ENAH: variants seen among roughly 807,000 people sequenced by gnomAD.
ENAH encodes ENAH actin regulator.
A neutral mutation model predicts 78.7 loss-of-function variants in ENAH; 23 were observed. The observed-to-expected ratio is 0.29, with a 90% CI of 0.21 to 0.41. The LOEUF (loss-of-function observed/expected upper bound fraction) is 0.41, where lower values mean the gene tolerates loss of function less well. ENAH is among the 10% of genes least tolerant of loss of function. The pLI is 1.00. For missense variants in ENAH, 544 were observed against 691.0 expected (o/e 0.79, Z 2.39); for synonymous variants, 226 against 241.0 (o/e 0.94, Z 0.58).
intron 3 of ENAH, among the ~76,000 whole-genome samples, chr1:225,533,885 A>G (rs2096549702): frequency 6.6e-6 from 1 of 152,132 alleles, no homozygotes; most frequent in African/African-American, 2.4e-5. Context: ...AATCGGTGTT[A>G]TTATATACAC....
At chr1:225,501,138 G>A (rs930770937) in intron 11 of ENAH, 68 bp from the exon 12 acceptor site, 3 of 1,199,204 alleles carry the variant, frequency 2.5e-6, no homozygotes, top group Non-Finnish European at 3.6e-6. Context: ...ATAAATAATT[G>A]CAAATTTACC....
In ENAH at chr1:225,574,919, A is replaced by AAAAAAAAAT. The variant is rs1177451807; in HGVS notation, c.6-7506_6-7505insATTTTTTTT. ...CCGTCTCAAAAAAAAAAAAAAAAAA[A>AAAAAAAAAT]ATATATATATATAAAAAAAAAAAAA... is the stretch of plus-strand genomic sequence containing the variant. On this transcript the variant is annotated intron_variant, in intron 1 of 13. Transcript: ENST00000366843. Among the ~76,000 whole-genome samples, 26 of 2,982 alleles carry AAAAAAAAAT rather than the reference A, an allele frequency of 8.7e-3. 1 individual carries two copies. Among genetic ancestry groups the AAAAAAAAAT allele is most frequent in the Non-Finnish European group, 0.011 (18 of 1,686 alleles). 2.0% of individuals were successfully genotyped at this position (2,982 alleles called of 152,430 possible). A position where few individuals can be genotyped will look rare whatever the true frequency, so the allele number is the denominator to read the frequency against.
rs1190945831 is a variant in ENAH, at chr1:225,593,455, AGAGTCTTTGTGAC to A, written c.6-26054_6-26042del. Among the ~76,000 whole-genome samples, 48 of 143,270 alleles carry A rather than the reference AGAGTCTTTGTGAC, an allele frequency of 3.4e-4. 1 individual carries two copies. In the East Asian group the frequency reaches 5.8e-3, roughly 17 times the overall value. The allele number at this position is 143,270 out of a possible 152,430, so 94.0% of individuals were successfully genotyped here. ...TAGTATGAGAACCCAGAAGTACCAA[AGAGTCTTTGTGAC>A]AAGAGGAAGACTGAATGTTAAGGTA... On this transcript the variant is annotated intron_variant, in intron 1 of 13. Coordinates refer to ENST00000366843, the MANE Select transcript of ENAH (RefSeq NM_018212.6).
chr1:225,494,047 C>A lies in ENAH; in HGVS notation c.*3728G>T. On this transcript the variant is annotated 3_prime_UTR_variant, in exon 14 of 14. Transcript: ENST00000366843. The stretch of plus-strand genomic sequence containing the variant: ...ACTTACATATGAAGAGAAGCAAGAA[C>A]ATGAGACAGGCTAGAGCAAAAAAAA... 1.1e-5 allele frequency: 1 copy of A among 88,248 alleles called. No homozygotes were observed. 5.5% of individuals were successfully genotyped at this position (88,248 alleles called of 1,614,324 possible).
chr1:225,547,997 AAAG>A (rs2096622886), intron 3 of ENAH, among the ~76,000 whole-genome samples: 1 of 152,176 alleles, frequency 6.6e-6, no homozygotes, highest in Non-Finnish European at 1.5e-5. Context: ...GTAAGAGGAG[AAAG>A]AAGATCTGTG....
At chr1:225,573,183 A>G (rs950485227) in intron 1 of ENAH, among the ~76,000 whole-genome samples, 7 of 152,198 alleles carry the variant, frequency 4.6e-5, no homozygotes, top group Non-Finnish European at 8.8e-5. Flanking sequence ...TTGTTAACAA[A>G]TATCAATTTC....
intron 1 of ENAH, among the ~76,000 whole-genome samples, chr1:225,640,738 G>A (rs77909054): frequency 0.014 from 2,093 of 152,000 alleles, 59 homozygotes; most frequent in African/African-American, 0.047. Context: ...AGTTAATAAA[G>A]GTTTCATACA....
chr1:225,525,001 T>C (rs2096493761), intron 4 of ENAH, among the ~76,000 whole-genome samples: 1 of 152,166 alleles, frequency 6.6e-6, no homozygotes. Context: ...ACAGTAGTAA[T>C]AAATAACTTA....
At chr1:225,544,263 AATAAAG>A (rs1198036595) in intron 3 of ENAH, among the ~76,000 whole-genome samples, 3 of 152,238 alleles carry the variant, frequency 2.0e-5, no homozygotes, top group Non-Finnish European at 4.4e-5. Flanking sequence ...AAAATTCATG[AATAAAG>A]ATAAAGTAAT....
intron 3 of ENAH, among the ~76,000 whole-genome samples, chr1:225,546,745 A>G (rs1005479903): frequency 6.6e-6 from 1 of 152,056 alleles, no homozygotes; most frequent in African/African-American, 2.4e-5. Context: ...ACTGTAATTA[A>G]CCCCCTTGAA....
At chr1:225,579,752 A>G (rs2096805853) in intron 1 of ENAH, among the ~76,000 whole-genome samples, 2 of 152,226 alleles carry the variant, frequency 1.3e-5, no homozygotes, top group Admixed American at 6.5e-5. Flanking sequence ...AATTAGAAGA[A>G]TATGTCTTTA....
chr1:225,621,280 C>CAGCCTTCATTGCAGT (rs1353133945), intron 1 of ENAH, among the ~76,000 whole-genome samples: 33 of 151,536 alleles, frequency 2.2e-4, no homozygotes, highest in African/African-American at 7.2e-4. Flanking sequence ...GGAATTACTT[C>CAGCCTTCATTGCAGT]TTTAAATCTA....
chr1:225,511,655 G>A (rs1027178721), intron 10 of ENAH, among the ~76,000 whole-genome samples, 156 bp downstream of exon 10: 2 of 152,100 alleles, frequency 1.3e-5, no homozygotes, highest in African/African-American at 4.8e-5. Flanking sequence ...GCTTCCAGGA[G>A]GAAAAAAGTG....
At position 225,493,457 on chromosome 1, in the gene ENAH, C is replaced by T. The variant is rs2096233212; in HGVS notation, c.*4318G>A. On this transcript the variant is annotated 3_prime_UTR_variant, in exon 14 of 14. Transcript: ENST00000366843. ...TAAATACCTGTATGTCAAGTTTTGA[C>T]TTTAAAAATATTAAATGGCTTTTAG... 6.6e-6 allele frequency: 1 copy of T among 152,148 alleles called. No homozygotes were observed. Among genetic ancestry groups the T allele is most frequent in the Non-Finnish European group, 1.5e-5 (1 of 68,026 alleles). The allele number at this position is 152,148 out of a possible 1,614,324, so 9.4% of individuals were successfully genotyped here.
At chr1:225,588,540 T>C (rs1444949610) in intron 1 of ENAH, among the ~76,000 whole-genome samples, 1 of 152,232 alleles carries the variant, frequency 6.6e-6, no homozygotes, top group African/African-American at 2.4e-5. Context: ...CCGGGCATAG[T>C]GGCTCACGCC....
At chr1:225,637,024 G>A (rs1335581430) in intron 1 of ENAH, among the ~76,000 whole-genome samples, 2 of 152,082 alleles carry the variant, frequency 1.3e-5, no homozygotes, top group African/African-American at 2.4e-5. Context: ...TAATGAAACC[G>A]CAACTTCACT....
rs1214790024 is a variant in ENAH, at chr1:225,488,904, AAC to A, written c.*8869_*8870del. On this transcript the variant is annotated 3_prime_UTR_variant, in exon 14 of 14. Transcript: ENST00000366843. ...CTGGTCTGCCAAGACATTGCTGTTA[AAC>A]AGAGTCTTTTGGATTAAAACCAGGG... 6.6e-6 allele frequency: 1 copy of A among 152,274 alleles called. No individual in the cohort carries two copies. Among genetic ancestry groups the A allele is most frequent in the African/African-American group, 2.4e-5 (1 of 41,460 alleles). 9.4% of individuals were successfully genotyped at this position (152,274 alleles called of 1,614,324 possible). A position where few individuals can be genotyped will look rare whatever the true frequency, so the allele number is the denominator to read the frequency against.
chr1:225,603,615 A>G (rs2096940985), intron 1 of ENAH, among the ~76,000 whole-genome samples: 1 of 152,184 alleles, frequency 6.6e-6, no homozygotes, highest in African/African-American at 2.4e-5. Context: ...CACAGCCTCA[A>G]AATGTACAGA....
chr1:225,505,615 AG>A (rs1416944340), intron 11 of ENAH, among the ~76,000 whole-genome samples: 6 of 91,278 alleles, frequency 6.6e-5, no homozygotes, highest in African/African-American at 2.5e-4. Context: ...CTACAATGCA[AG>A]GATAAGACAT....
Sources: gnomAD v4.1 joint callset for allele counts (sites outside exome capture counted in the v4.1 genomes callset) on GRCh38, gnomAD v4.1.1 for gene constraint, MANE v1.5 for transcripts, NCBI Gene and HGNC (gene_info 2026-07-23, HGNC 2026-07-21) for gene names.